The following TCF7L2 variants were observed in gnomAD, a reference collection of about 807,000 sequenced individuals.
The protein encoded by TCF7L2 is transcription factor 7 like 2.
Under a neutral mutation model 77.9 loss-of-function variants are expected in TCF7L2, and 23 were observed. The observed-to-expected ratio is 0.30, with a 90% CI of 0.21 to 0.42. The LOEUF (loss-of-function observed/expected upper bound fraction) is 0.42. TCF7L2 is among the 10% of genes least tolerant of loss of function. TCF7L2 has a pLI of 1.00. For missense variants in TCF7L2, 654 were observed against 793.1 expected, an observed-to-expected ratio of 0.82 and a Z score of 2.11; for synonymous variants, 413 against 340.2, an observed-to-expected ratio of 1.21 and a Z score of -2.36.
intron 3 of TCF7L2, among the ~76,000 whole-genome samples, chr10:112,953,776 T>A (rs764246048): frequency 6.6e-6 from 1 of 152,206 alleles, no homozygotes; most frequent in South Asian, 2.1e-4. Context: ...TCGGTCCCTT[T>A]TGTGGGCATT....
intron 4 of TCF7L2, among the ~76,000 whole-genome samples, chr10:113,029,776 G>A (rs992050892): frequency 1.3e-5 from 2 of 151,912 alleles, no homozygotes; most frequent in East Asian, 1.9e-4. Flanking sequence ...TGATCCAACC[G>A]CCTCGGCCTC....
intron 4 of TCF7L2, among the ~76,000 whole-genome samples, chr10:113,016,252 A>G (rs1435932016): frequency 2.0e-5 from 3 of 151,888 alleles, no homozygotes; most frequent in African/African-American, 7.3e-5. Flanking sequence ...TTTTTAGTAG[A>G]GATTGGGTTT....
intron 13 of TCF7L2, chr10:113,161,284 G>C (rs368443933): frequency 7.3e-5 from 33 of 455,156 alleles, no homozygotes; most frequent in East Asian, 4.1e-4. Context: ...CAGCTAAAGG[G>C]CTGCAAGCAG....
intron 5 of TCF7L2, among the ~76,000 whole-genome samples, chr10:113,089,962 C>T (rs987312093): frequency 6.6e-6 from 1 of 152,328 alleles, no homozygotes; most frequent in African/African-American, 2.4e-5. Flanking sequence ...TAATTTAGAA[C>T]TTAAAGATTT....
intron 5 of TCF7L2, among the ~76,000 whole-genome samples, chr10:113,098,328 C>T (rs998696428): frequency 5.3e-5 from 8 of 151,476 alleles, no homozygotes; most frequent in Admixed American, 1.3e-4. Context: ...AGCTGTTTTT[C>T]AAATCTACAC....
intron 4 of TCF7L2, among the ~76,000 whole-genome samples, chr10:113,005,481 T>C (rs187358465): frequency 6.6e-6 from 1 of 152,324 alleles, no homozygotes; most frequent in Non-Finnish European, 1.5e-5. Flanking sequence ...TGTGACCTGC[T>C]GGGCTCAGCT....
At chr10:113,127,631 C>G (rs2065867282) in intron 5 of TCF7L2, among the ~76,000 whole-genome samples, 1 of 151,606 alleles carries the variant, frequency 6.6e-6, no homozygotes, top group African/African-American at 2.4e-5. Flanking sequence ...CCCTACAGAA[C>G]TTTGCAGCAC....
At chr10:113,143,425 G>T (rs2068742153) in intron 6 of TCF7L2, among the ~76,000 whole-genome samples, 1 of 152,232 alleles carries the variant, frequency 6.6e-6, no homozygotes, top group African/African-American at 2.4e-5. Flanking sequence ...CATTTTAGAG[G>T]AGTCACCATT....
At chr10:113,142,772 T>C (rs1275082264) in intron 6 of TCF7L2, among the ~76,000 whole-genome samples, 1 of 152,220 alleles carries the variant, frequency 6.6e-6, no homozygotes, top group Non-Finnish European at 1.5e-5. Context: ...ATAATGGTAG[T>C]ACAGGGAATA....
intron 5 of TCF7L2, among the ~76,000 whole-genome samples, chr10:113,095,690 A>G (rs1200998569): frequency 6.6e-6 from 1 of 152,210 alleles, no homozygotes. Flanking sequence ...CTTGGACTGC[A>G]AAGAGATGTC....
chr10:113,013,114 GT>G (rs35964949), intron 4 of TCF7L2, among the ~76,000 whole-genome samples: 5,994 of 109,770 alleles, frequency 0.055, 343 homozygotes, highest in African/African-American at 0.19. Flanking sequence ...TAAGCAAGTG[GT>G]TTTTTTTTTT....
intron 5 of TCF7L2, among the ~76,000 whole-genome samples, chr10:113,074,812 T>C (rs2058510454): frequency 6.6e-6 from 1 of 152,196 alleles, no homozygotes; most frequent in South Asian, 2.1e-4. Context: ...GACATCTGGA[T>C]ACAGTGTTGG....
At chr10:113,043,407 C>T (rs907217381) in intron 5 of TCF7L2, among the ~76,000 whole-genome samples, 1 of 152,162 alleles carries the variant, frequency 6.6e-6, no homozygotes, top group African/African-American at 2.4e-5. Context: ...AGAATAGACT[C>T]CACAAATTTT....
intron 11 of TCF7L2, among the ~76,000 whole-genome samples, chr10:113,156,978 GCCTGGCA>G (rs1468163023): frequency 4.6e-5 from 7 of 152,222 alleles, no homozygotes; most frequent in African/African-American, 1.7e-4. Flanking sequence ...CTAGAATCAT[GCCTGGCA>G]CCTGGCATAT....
rs115095209 is a variant in TCF7L2, at chr10:113,049,560, G to A, written c.552+9434G>A. Among the ~76,000 whole-genome samples the A allele has an allele frequency of 2.9e-3, 446 of 152,180 alleles. 5 individuals are homozygous for A. Among genetic ancestry groups the A allele is most frequent in the Middle Eastern group, 0.017 (5 of 294 alleles). ...CATCTCTCACTTGGATGTGGCCAGA[G>A]TGTCTTTGCTGGTCTCCTTCTTGCT... On this transcript the variant is annotated intron_variant, in intron 5 of 13. Coordinates refer to ENST00000627217, the MANE Select transcript of TCF7L2 (RefSeq NM_001146274.2).
intron 13 of TCF7L2, among the ~76,000 whole-genome samples, chr10:113,162,495 A>G (rs2073322743): frequency 6.6e-6 from 1 of 151,700 alleles, no homozygotes; most frequent in African/African-American, 2.4e-5. Context: ...CCAGAATTTT[A>G]TTGATATATA....
rs2137364068 is a variant in TCF7L2, at chr10:113,158,060, G to C, written c.1309G>C (p.Glu437Gln). The C allele has an allele frequency of 6.3e-7, 1 of 1,598,230 alleles. No individual in the cohort carries two copies. The highest frequency in any genetic ancestry group is 8.5e-7 in the Non-Finnish European group (1 of 1,171,506). ...GAGGAAAAGGGACAAGCAGCCGGGA[G>C]AGACCAATGGTAAGTGACAATCATC... The change falls in exon 12 of 14, where the codon GAG becomes CAG. Residue 437 changes from glutamate (E) to glutamine (Q), a missense_variant. By Grantham distance (29) the Glu-to-Gln change is conservative (BLOSUM62 2). This residue lies in a region of TCF7L2 where 272 missense variants were observed against 215.4 expected (regional missense o/e 1.26). Transcript: ENST00000627217.
rs1180294155 is a variant in TCF7L2, at chr10:112,966,200, ATATATATAT to A, written c.450+1577_450+1585del. On this transcript the variant is annotated intron_variant, in intron 4 of 13. Coordinates refer to ENST00000627217, the MANE Select transcript of TCF7L2 (RefSeq NM_001146274.2). ...AAAATATATTTATATATATATATATATATATATATATTTTCTTTTCTTGATTACTTCTGC... is the reference window on the plus strand; with the variant it reads ...AAAATATATTTATATATATATATATAATTTTCTTTTCTTGATTACTTCTGC... Among the ~76,000 whole-genome samples the A allele has an allele frequency of 2.2e-5, 3 of 138,836 alleles. 1 individual carries two copies. The highest frequency in any genetic ancestry group is 7.0e-5 in the Admixed American group (1 of 14,252). The allele number at this position is 138,836 out of a possible 152,430, so 91.1% of individuals were successfully genotyped here.
intron 5 of TCF7L2, among the ~76,000 whole-genome samples, chr10:113,101,547 A>G (rs558726916): frequency 6.6e-6 from 1 of 151,944 alleles, no homozygotes; most frequent in Admixed American, 6.6e-5. Context: ...TGCCTCTTAA[A>G]AAAAGAAGAG....
Sources: allele counts gnomAD v4.1 joint callset (sites outside exome capture counted in the v4.1 genomes callset), GRCh38; gene constraint gnomAD v4.1.1; regional missense constraint gnomAD v4.1.1; transcripts MANE v1.5; gene names NCBI Gene and HGNC (gene_info 2026-07-23, HGNC 2026-07-21).